Variants in CNTNAP2 observed in about 807,000 individuals in gnomAD.
CNTNAP2 encodes contactin associated protein 2.
In CNTNAP2, 98 loss-of-function variants were observed where a neutral mutation model predicts 155.2. The observed-to-expected ratio is 0.63, with a 90% CI of 0.54 to 0.75. CNTNAP2 has a LOEUF of 0.75. CNTNAP2 is among the 30% of genes least tolerant of loss of function. The probability of loss-of-function intolerance (pLI) is 0.00; values close to 1 mark genes in which losing one functional copy is unlikely to be tolerated. For missense variants in CNTNAP2, 1,727 were observed against 1,688.1 expected (o/e 1.02, Z -0.40); for synonymous variants, 651 against 631.2 (o/e 1.03, Z -0.47).
At chr7:148,055,737 G>A (rs1053825652) in intron 15 of CNTNAP2, among the ~76,000 whole-genome samples, 4 of 30,580 alleles carry the variant, frequency 1.3e-4, no homozygotes, top group African/African-American at 3.6e-4. Context: ...ACACATTGCA[G>A]TTAAGAAGGA....
intron 1 of CNTNAP2, among the ~76,000 whole-genome samples, chr7:146,738,073 C>T (rs1404782389): frequency 6.6e-6 from 1 of 151,994 alleles, no homozygotes; most frequent in African/African-American, 2.4e-5. Context: ...ATTCTATTTT[C>T]AATTTGTTGA....
intron 18 of CNTNAP2, among the ~76,000 whole-genome samples, chr7:148,198,305 A>T (rs896992540): frequency 1.3e-5 from 2 of 152,236 alleles, no homozygotes; most frequent in Non-Finnish European, 2.9e-5. Flanking sequence ...AAGGGGCATG[A>T]TCCAAGAAGT....
Position 147,371,410 on chromosome 7 carries a change from T to C in CNTNAP2, c.1499-24199T>C, listed in dbSNP as rs552340282. On this transcript the variant is annotated intron_variant, in intron 9 of 23. Transcript: ENST00000361727. The stretch of plus-strand genomic sequence containing the variant: ...GACTTTTCTTCAGTTTTATATAAGA[T>C]ACACAGCCTAGTGAATAATAAAAAA... 3.3e-5 allele frequency among the ~76,000 whole-genome samples: 5 copies of C among 152,302 alleles called. No individual in the cohort carries two copies. The East Asian group carries it at 7.7e-4, about 24-fold the overall frequency.
intron 12 of CNTNAP2, among the ~76,000 whole-genome samples, chr7:147,631,801 C>T (rs1193903318): frequency 1.3e-5 from 2 of 152,158 alleles, no homozygotes; most frequent in African/African-American, 2.4e-5. Flanking sequence ...AAGCTGCATC[C>T]TCATCGCTTA....
chr7:147,452,424 T>G (rs998652939), intron 10 of CNTNAP2, among the ~76,000 whole-genome samples: 3 of 152,186 alleles, frequency 2.0e-5, no homozygotes, highest in Non-Finnish European at 4.4e-5. Context: ...AGAAATGACC[T>G]TCATATAATG....
At chr7:146,937,104 C>G (rs1796931146) in intron 3 of CNTNAP2, among the ~76,000 whole-genome samples, 1 of 151,954 alleles carries the variant, frequency 6.6e-6, no homozygotes, top group Non-Finnish European at 1.5e-5. Context: ...AAAGTGAAAA[C>G]CGGCCGGGCG....
rs938254410 is a variant in CNTNAP2 at position 148,255,822 on chromosome 7, A to C, written c.3382-11211A>C. ...ACAACAAAGAAAGATCTGTCTCTTA[A>C]ATCCTTTCTCTCTCGAGCCTTAAGC... On this transcript the variant is annotated intron_variant, in intron 20 of 23. Coordinates refer to ENST00000361727, the MANE Select transcript of CNTNAP2 (RefSeq NM_014141.6). 1.7e-4 allele frequency among the ~76,000 whole-genome samples: 26 copies of C among 152,328 alleles called. No individual in the cohort carries two copies. In the South Asian group the frequency reaches 1.9e-3, roughly 11 times the overall value.
At chr7:146,326,700 G>A (rs1801103632) in intron 1 of CNTNAP2, among the ~76,000 whole-genome samples, 1 of 152,158 alleles carries the variant, frequency 6.6e-6, no homozygotes, top group South Asian at 2.1e-4. Context: ...TGGATGAAAA[G>A]AGTGGCGACT....
At position 146,943,121 on chromosome 7, in the gene CNTNAP2, T is replaced by C. The variant is rs574332245; in HGVS notation, c.403-100786T>C. Among the ~76,000 whole-genome samples, 3 of 152,348 alleles carry C rather than the reference T, an allele frequency of 2.0e-5. No individual in the cohort carries two copies. In the South Asian group the frequency reaches 6.2e-4, roughly 32 times the overall value. On this transcript the variant is annotated intron_variant, in intron 3 of 23. Transcript: ENST00000361727. ...TTGACTCCTAAAAAACATTATAGCCTACTGTTGACCATAAGCCTTACTTGT... is the reference window on the plus strand; with the variant it reads ...TTGACTCCTAAAAAACATTATAGCCCACTGTTGACCATAAGCCTTACTTGT...
intron 1 of CNTNAP2, among the ~76,000 whole-genome samples, chr7:146,195,360 G>A (rs1364356873): frequency 6.6e-6 from 1 of 152,170 alleles, no homozygotes; most frequent in Non-Finnish European, 1.5e-5. Context: ...AAGAAAATGA[G>A]AAGAGGAAAC....
chr7:146,958,997 G>A (rs1375499624), intron 3 of CNTNAP2, among the ~76,000 whole-genome samples: 1 of 151,464 alleles, frequency 6.6e-6, no homozygotes. Context: ...TTAGGATAAT[G>A]ACTTTTTTAT....
intron 13 of CNTNAP2, among the ~76,000 whole-genome samples, chr7:147,831,103 A>G (rs1798538877): frequency 6.6e-6 from 1 of 152,168 alleles, no homozygotes; most frequent in Non-Finnish European, 1.5e-5. Context: ...GCCTGGTAAT[A>G]TGAGAACAAT....
chr7:148,146,269 G>A (rs956206028), intron 16 of CNTNAP2, among the ~76,000 whole-genome samples: 2 of 152,210 alleles, frequency 1.3e-5, no homozygotes, highest in Non-Finnish European at 2.9e-5. Flanking sequence ...TTAGGCACTG[G>A]TGTGCCACAT....
chr7:146,930,628 GAC>G (rs1796729518), intron 3 of CNTNAP2, among the ~76,000 whole-genome samples: 1 of 152,140 alleles, frequency 6.6e-6, no homozygotes, highest in Non-Finnish European at 1.5e-5. Context: ...CCAATTAAAA[GAC>G]ACAGACTGGC....
At chr7:147,048,354 G>A (rs1017140780) in intron 4 of CNTNAP2, among the ~76,000 whole-genome samples, 2 of 150,894 alleles carry the variant, frequency 1.3e-5, no homozygotes, top group African/African-American at 4.8e-5. Context: ...AAGGCCAGCA[G>A]CTCAAAAGGC....
At chr7:146,378,694 G>A (rs1188225058) in intron 1 of CNTNAP2, among the ~76,000 whole-genome samples, 1 of 152,086 alleles carries the variant, frequency 6.6e-6, no homozygotes, top group Non-Finnish European at 1.5e-5. Context: ...TGGCATACAT[G>A]TTACAAGCAC....
chr7:146,634,280 C>G (rs1799561971), intron 1 of CNTNAP2, among the ~76,000 whole-genome samples: 1 of 152,070 alleles, frequency 6.6e-6, no homozygotes, highest in Admixed American at 6.5e-5. Context: ...CTTCCCTGTG[C>G]CGAATCCTCA....
At chr7:146,638,633 C>A (rs376613396) in intron 1 of CNTNAP2, among the ~76,000 whole-genome samples, 1 of 151,356 alleles carries the variant, frequency 6.6e-6, no homozygotes, top group Non-Finnish European at 1.5e-5. Flanking sequence ...TACAGGCACC[C>A]GCCACCACAC....
At chr7:147,739,635 C>T (rs892431617) in intron 13 of CNTNAP2, among the ~76,000 whole-genome samples, 3 of 151,854 alleles carry the variant, frequency 2.0e-5, no homozygotes, top group Non-Finnish European at 2.9e-5. Flanking sequence ...GATACAGTCC[C>T]AATACAGTCA....
Sources: gnomAD v4.1 joint callset for allele counts (sites outside exome capture counted in the v4.1 genomes callset) on GRCh38, gnomAD v4.1.1 for gene constraint, MANE v1.5 for transcripts, NCBI Gene and HGNC (gene_info 2026-07-23, HGNC 2026-07-21) for gene names.